Variants in SPECC1L observed in about 807,000 individuals in gnomAD.
SPECC1L encodes sperm antigen with calponin homology and coiled-coil domains 1 like, also known as cytospin-A.
SPECC1L carries 40 observed loss-of-function variants against 116.8 expected under a neutral mutation model. The observed-to-expected ratio is 0.34, with a 90% CI of 0.27 to 0.45. SPECC1L has a LOEUF of 0.45. Ranked by LOEUF, SPECC1L falls within the 20% of genes least tolerant of loss-of-function variation. SPECC1L has a pLI of 1.00. For missense variants in SPECC1L, 1,110 were observed against 1,373.6 expected, an observed-to-expected ratio of 0.81 and a Z score of 3.03; for synonymous variants, 504 against 500.6, an observed-to-expected ratio of 1.01 and a Z score of -0.09.
chr22:24,392,092 G>A (rs776259800), intron 14 of SPECC1L, among the ~76,000 whole-genome samples: 21 of 152,194 alleles, frequency 1.4e-4, no homozygotes, highest in South Asian at 2.1e-4. Flanking sequence ...TGCCATGCTT[G>A]CCTAAGACCA....
At chr22:24,303,054 G>C (rs1423058216) in intron 3 of SPECC1L, among the ~76,000 whole-genome samples, 1 of 152,014 alleles carries the variant, frequency 6.6e-6, no homozygotes, top group African/African-American at 2.4e-5. Context: ...GGTCTCCTGG[G>C]TTCAGTGGAT....
chr22:24,298,036 G>T (rs1216556549), intron 2 of SPECC1L, among the ~76,000 whole-genome samples: 9 of 152,118 alleles, frequency 5.9e-5, no homozygotes, highest in Non-Finnish European at 1.2e-4. Context: ...TGTATACATG[G>T]TCCCCAACTT....
chr22:24,378,987 C>G lies in SPECC1L; in HGVS notation c.3087+9667C>G, dbSNP rs5760381. Among the ~76,000 whole-genome samples the G allele has an allele frequency of 2.6e-5, 4 of 152,130 alleles. No homozygotes were observed. In the South Asian group the frequency reaches 8.3e-4, roughly 32 times the overall value. On this transcript the variant is annotated intron_variant, in intron 14 of 16. Coordinates refer to ENST00000314328, the MANE Select transcript of SPECC1L (RefSeq NM_015330.6). ...CCACAAACCCTCAATTTGTAAAAAACGCAGGATCCATGAAGCACAAGAAGA... is the reference window on the plus strand; with the variant it reads ...CCACAAACCCTCAATTTGTAAAAAAGGCAGGATCCATGAAGCACAAGAAGA...
At chr22:24,400,018 G>C (rs2042441718) in intron 14 of SPECC1L, among the ~76,000 whole-genome samples, 1 of 152,186 alleles carries the variant, frequency 6.6e-6, no homozygotes, top group African/African-American at 2.4e-5. Flanking sequence ...GATCCACCTA[G>C]TGTATAGAGT....
At chr22:24,340,779 C>T (rs1357417064) in intron 10 of SPECC1L, among the ~76,000 whole-genome samples, 2 of 152,012 alleles carry the variant, frequency 1.3e-5, no homozygotes, top group African/African-American at 4.8e-5. Context: ...GGTAAAATTC[C>T]CAGACCTCAT....
chr22:24,324,512 T>C, intron 6 of SPECC1L, 85 bp downstream of exon 6: 1 of 1,242,452 alleles, frequency 8.0e-7, no homozygotes. Flanking sequence ...AAAATAGGGC[T>C]GGGCACGGTG....
chr22:24,403,194 C>T (rs1006876348), intron 14 of SPECC1L, among the ~76,000 whole-genome samples: 2 of 152,116 alleles, frequency 1.3e-5, no homozygotes. Context: ...GCTTCTCATT[C>T]GAGTCTGTGC....
chr22:24,413,783 G>A lies in SPECC1L; in HGVS notation c.3265-751G>A, dbSNP rs1377203377. ...TCTTGCATTGAACAGGCAGGTTTTC[G>A]TTTTCTGCATCAAGTCACCAAGGGC... is the stretch of plus-strand genomic sequence containing the variant. On this transcript the variant is annotated intron_variant, in intron 16 of 16. Transcript: ENST00000314328. 6.6e-5 allele frequency among the ~76,000 whole-genome samples: 10 copies of A among 152,224 alleles called. No individual in the cohort carries two copies. In the South Asian group the frequency reaches 1.7e-3, roughly 25 times the overall value.
chr22:24,409,154 A>C (rs1196904958), intron 14 of SPECC1L, among the ~76,000 whole-genome samples: 1 of 152,240 alleles, frequency 6.6e-6, no homozygotes, highest in Non-Finnish European at 1.5e-5. Context: ...TAATAATATA[A>C]TGATAATAAT....
At chr22:24,400,601 G>T (rs2042454320) in intron 14 of SPECC1L, among the ~76,000 whole-genome samples, 1 of 152,146 alleles carries the variant, frequency 6.6e-6, no homozygotes, top group Non-Finnish European at 1.5e-5. Context: ...GGGATTGCTG[G>T]GCCGTATATT....
chr22:24,273,069 A>G (rs1297542627), intron 1 of SPECC1L, among the ~76,000 whole-genome samples: 3 of 152,220 alleles, frequency 2.0e-5, no homozygotes, highest in South Asian at 2.1e-4. Context: ...TTACAATTAC[A>G]GTTGTAGTTA....
rs2048747496 is a variant in SPECC1L at position 24,272,455 on chromosome 22, C to T, written c.-142+1472C>T. On this transcript the variant is annotated intron_variant, in intron 1 of 16. Transcript: ENST00000314328. ...TGGGAGGCCGAGGCGGGTGGATCACCTGAGGTTAGGAGTTCGATACCAGCC... is the reference window on the plus strand; with the variant it reads ...TGGGAGGCCGAGGCGGGTGGATCACTTGAGGTTAGGAGTTCGATACCAGCC... 3.3e-5 allele frequency among the ~76,000 whole-genome samples: 5 copies of T among 152,080 alleles called. No homozygotes were observed. The South Asian group carries it at 1.0e-3, about 31-fold the overall frequency.
At position 24,317,234 on chromosome 22, in the gene SPECC1L, C is replaced by T. The variant is rs868448894; in HGVS notation, c.307+3768C>T. 3.4e-3 allele frequency among the ~76,000 whole-genome samples: 359 copies of T among 105,468 alleles called. 6 individuals carry two copies. The highest frequency in any genetic ancestry group is 0.01 in the African/African-American group (297 of 28,516). 69.2% of individuals were successfully genotyped at this position (105,468 alleles called of 152,430 possible). A position where few individuals can be genotyped will look rare whatever the true frequency, so the allele number is the denominator to read the frequency against. ...CCGGGCAGAGGCGCCCCTCACCTCC[C>T]GGATGGGGCGGCTGGCCGGGCGGGG... On this transcript the variant is annotated intron_variant, in intron 4 of 16. Coordinates refer to ENST00000314328, the MANE Select transcript of SPECC1L (RefSeq NM_015330.6).
chr22:24,338,085 T>G, intron 9 of SPECC1L, among the ~76,000 whole-genome samples: 1 of 152,240 alleles, frequency 6.6e-6, no homozygotes, highest in South Asian at 2.1e-4. Flanking sequence ...TGAATTTCAT[T>G]GCTTTATGGA....
At chr22:24,330,232 TAA>T in intron 7 of SPECC1L, 22 bp from the exon 8 acceptor site, 1 of 1,612,818 alleles carries the variant, frequency 6.2e-7, no homozygotes. Flanking sequence ...CTTTTGGAAA[TAA>T]AAAGTTAGTT....
chr22:24,277,802 A>C (rs1464031063), intron 2 of SPECC1L, among the ~76,000 whole-genome samples: 1 of 152,202 alleles, frequency 6.6e-6, no homozygotes, highest in East Asian at 1.9e-4. Flanking sequence ...CGTTTTTGCC[A>C]CTTTGGGCTA....
intron 5 of SPECC1L, among the ~76,000 whole-genome samples, chr22:24,323,993 A>C (rs1466384286): frequency 6.6e-6 from 1 of 152,252 alleles, no homozygotes; most frequent in African/African-American, 2.4e-5. Flanking sequence ...TCAATGATAC[A>C]TCAATATAAT....
At chr22:24,371,422 G>A (rs2041868163) in intron 14 of SPECC1L, among the ~76,000 whole-genome samples, 1 of 152,156 alleles carries the variant, frequency 6.6e-6, no homozygotes, top group South Asian at 2.1e-4. Flanking sequence ...AGACCAGCCT[G>A]GGCAGCATCG....
At chr22:24,292,241 A>G (rs1207292271) in intron 2 of SPECC1L, among the ~76,000 whole-genome samples, 1 of 152,134 alleles carries the variant, frequency 6.6e-6, no homozygotes, top group African/African-American at 2.4e-5. Context: ...AATAAGATAA[A>G]TTTACAATGT....
Sources: gnomAD v4.1 joint callset for allele counts (sites outside exome capture counted in the v4.1 genomes callset) on GRCh38, gnomAD v4.1.1 for gene constraint, MANE v1.5 for transcripts, NCBI Gene and HGNC (gene_info 2026-07-23, HGNC 2026-07-21) for gene names.